The following ABI3BP variants were observed in gnomAD, a reference collection of about 807,000 sequenced individuals.
ABI3BP encodes the protein ABI family member 3 binding protein.
Under a neutral mutation model 268.6 loss-of-function variants are expected in ABI3BP, and 216 were observed. The observed-to-expected ratio is 0.80, with a 90% CI of 0.72 to 0.90. The LOEUF (loss-of-function observed/expected upper bound fraction) is 0.90. Ranked by LOEUF, ABI3BP falls within the 40% of genes least tolerant of loss-of-function variation. The pLI is 0.00. For synonymous variants in ABI3BP, 730 were observed against 730.0 expected (o/e 1.00, Z 0.00); for missense variants, 2,090 against 2,182.4 (o/e 0.96, Z 0.84).
intron 59 of ABI3BP, among the ~76,000 whole-genome samples, chr3:100,777,441 C>A (rs2096736230): frequency 6.6e-6 from 1 of 152,142 alleles, no homozygotes; most frequent in African/African-American, 2.4e-5. Flanking sequence ...ATCAAATATC[C>A]TCTAAGTGCT....
chr3:100,915,903 A>T (rs2058459567), intron 2 of ABI3BP, among the ~76,000 whole-genome samples: 1 of 152,172 alleles, frequency 6.6e-6, no homozygotes, highest in Non-Finnish European at 1.5e-5. Flanking sequence ...CTTCACTCGA[A>T]TGCTCTGGCA....
chr3:100,858,848 A>G (rs2098966218), intron 14 of ABI3BP, among the ~76,000 whole-genome samples: 1 of 152,170 alleles, frequency 6.6e-6, no homozygotes, highest in African/African-American at 2.4e-5. Context: ...AAACATGAAC[A>G]TCACCCAGAG....
intron 2 of ABI3BP, among the ~76,000 whole-genome samples, chr3:100,916,120 A>AT (rs1201199841): frequency 6.6e-6 from 1 of 152,152 alleles, no homozygotes; most frequent in East Asian, 1.9e-4. Flanking sequence ...CAAGGGCTTG[A>AT]TTTTGAAGCA....
chr3:100,807,263 T>C (rs1252582269), intron 50 of ABI3BP, among the ~76,000 whole-genome samples: 1 of 151,984 alleles, frequency 6.6e-6, no homozygotes, highest in African/African-American at 2.4e-5. Flanking sequence ...CTTAAAACTT[T>C]GATGTTTTTA....
intron 1 of ABI3BP, chr3:100,952,702 A>T (rs982869668): frequency 1.3e-5 from 2 of 152,190 alleles, no homozygotes; most frequent in Non-Finnish European, 2.9e-5. Context: ...CACAAGAATG[A>T]CACACAAATT....
intron 1 of ABI3BP, among the ~76,000 whole-genome samples, chr3:100,964,722 C>T (rs536197695): frequency 6.6e-6 from 1 of 152,276 alleles, no homozygotes; most frequent in East Asian, 1.9e-4. Context: ...ACCCAACAGC[C>T]CAGAAATCTC....
intron 62 of ABI3BP, among the ~76,000 whole-genome samples, chr3:100,766,665 G>A (rs1263322800): frequency 6.6e-6 from 1 of 152,076 alleles, no homozygotes; most frequent in Non-Finnish European, 1.5e-5. Flanking sequence ...TCATCAAAAG[G>A]GAAAGAAATT....
chr3:100,955,030 T>C (rs911451980), intron 1 of ABI3BP, among the ~76,000 whole-genome samples: 2 of 137,058 alleles, frequency 1.5e-5, no homozygotes, highest in African/African-American at 5.5e-5. Context: ...TGGCAAGAGA[T>C]TGGGCAGGGA....
rs142595488 is a variant in ABI3BP, at chr3:100,901,084, G to T, written c.328+1534C>A. Among the ~76,000 whole-genome samples the T allele has an allele frequency of 9.5e-4, 145 of 152,288 alleles. 1 individual carries two copies. Among genetic ancestry groups the T allele is most frequent in the African/African-American group, 3.3e-3 (137 of 41,548 alleles). On this transcript the variant is annotated intron_variant, in intron 3 of 67. Transcript: ENST00000471714. ...TTTTGAAGTACAGTCTTGAAATATT[G>T]AGAGTACATCTATTTTCAAGTGTGT...
intron 4 of ABI3BP, among the ~76,000 whole-genome samples, chr3:100,894,581 G>A (rs1295149618): frequency 6.6e-6 from 1 of 151,982 alleles, no homozygotes; most frequent in Non-Finnish European, 1.5e-5. Context: ...ACTTGGGGGC[G>A]GAAAAAAGGC....
chr3:100,868,495 ATCT>A (rs2099076402), intron 9 of ABI3BP, among the ~76,000 whole-genome samples: 1 of 152,196 alleles, frequency 6.6e-6, no homozygotes, highest in South Asian at 2.1e-4. Context: ...TGTAAAGACC[ATCT>A]TCTTTTCTGT....
chr3:100,772,819 C>T (rs1299021807), intron 61 of ABI3BP, among the ~76,000 whole-genome samples: 1 of 152,084 alleles, frequency 6.6e-6, no homozygotes, highest in African/African-American at 2.4e-5. Context: ...TGGCTCATGC[C>T]TATAATCCCA....
At chr3:100,919,416 T>C (rs551225756) in intron 2 of ABI3BP, among the ~76,000 whole-genome samples, 82 of 152,232 alleles carry the variant, frequency 5.4e-4, no homozygotes, top group Non-Finnish European at 1.1e-3. Context: ...CATGGTAAAA[T>C]AGGAAAAATT....
At chr3:100,841,227 T>TTTTTTG (rs2098696938) in intron 21 of ABI3BP, among the ~76,000 whole-genome samples, 2 of 114,386 alleles carry the variant, frequency 1.7e-5, no homozygotes, top group Non-Finnish European at 3.6e-5. Context: ...TTTTTTTTTT[T>TTTTTTG]GCTCTTTTGA....
At chr3:100,958,168 T>C (rs1051709298) in intron 1 of ABI3BP, among the ~76,000 whole-genome samples, 20 of 152,234 alleles carry the variant, frequency 1.3e-4, no homozygotes, top group Admixed American at 2.0e-4. Context: ...ATGAGTTTCA[T>C]TGTAAGTCTC....
intron 1 of ABI3BP, among the ~76,000 whole-genome samples, chr3:100,966,413 C>T (rs1308110312): frequency 6.6e-6 from 1 of 152,192 alleles, no homozygotes; most frequent in Non-Finnish European, 1.5e-5. Flanking sequence ...TCCAGTCCAC[C>T]ACCTGTTTTT....
rs1205939537 is a variant in ABI3BP, at chr3:100,818,557, C to G, written c.3056G>C (p.Gly1019Ala). 1 of 1,535,388 alleles carries G rather than the reference C, an allele frequency of 6.5e-7. No homozygotes were observed. Among genetic ancestry groups the G allele is most frequent in the Non-Finnish European group, 8.7e-7 (1 of 1,146,426 alleles). ...KLVPSTDLEP[G>A]TLRTEAPKTM... Reference sequence around the variant, plus strand: ...TTTTGGAGCTTCAGTTCTGAGAGTACCAGGTTCAAGATCTGTAGAAGGAAC... The same window carrying G: ...TTTTGGAGCTTCAGTTCTGAGAGTAGCAGGTTCAAGATCTGTAGAAGGAAC... Residue 1019 changes from glycine (G) to alanine (A), a missense_variant, in exon 41 of 68, where the codon GGT (glycine) becomes GCT (alanine). Gly to Ala is a moderately conservative substitution (Grantham distance 60, BLOSUM62 0). Coordinates refer to ENST00000471714, the MANE Select transcript of ABI3BP (RefSeq NM_001375547.2).
intron 1 of ABI3BP, among the ~76,000 whole-genome samples, chr3:100,939,522 C>T (rs2153703566): frequency 6.6e-6 from 1 of 151,946 alleles, no homozygotes; most frequent in South Asian, 2.1e-4. Context: ...CTGTGATGCC[C>T]CCACAAGCCA....
chr3:100,944,502 T>C (rs1262315694), intron 1 of ABI3BP, among the ~76,000 whole-genome samples: 4 of 152,120 alleles, frequency 2.6e-5, no homozygotes, highest in Non-Finnish European at 4.4e-5. Flanking sequence ...ATATTTCTAT[T>C]GCAAAACACT....
Sources: allele counts gnomAD v4.1 joint callset (sites outside exome capture counted in the v4.1 genomes callset), GRCh38; gene constraint gnomAD v4.1.1; transcripts MANE v1.5; gene names NCBI Gene and HGNC (gene_info 2026-07-23, HGNC 2026-07-21).